The following ZNF385B variants were observed in gnomAD, a reference collection of about 807,000 sequenced individuals.
ZNF385B encodes the protein zinc finger protein 385B, also known as zinc finger protein 533.
A neutral mutation model predicts 39.2 loss-of-function variants in ZNF385B; 23 were observed. The observed-to-expected ratio is 0.59, with a 90% CI of 0.42 to 0.83. The LOEUF is 0.83. Among genes scored for constraint, ZNF385B ranks in the 40% least tolerant of loss-of-function variants. The pLI, the probability that ZNF385B is intolerant of heterozygous loss-of-function variation, is 0.00. For missense variants in ZNF385B, 552 were observed against 598.9 expected, an observed-to-expected ratio of 0.92 and a Z score of 0.82; for synonymous variants, 205 against 222.6, an observed-to-expected ratio of 0.92 and a Z score of 0.70.
At position 179,809,757 on chromosome 2, in the gene ZNF385B, T is replaced by C. The variant is rs183749325; in HGVS notation, c.-154-39085A>G. ...ACTCACAAAAATGCTATAATACTTATGATGATTCACAATGAATCATGACCC... is the reference window on the plus strand; with the variant it reads ...ACTCACAAAAATGCTATAATACTTACGATGATTCACAATGAATCATGACCC... On this transcript the variant is annotated intron_variant, in intron 1 of 9. Transcript: ENST00000410066. Among the ~76,000 whole-genome samples the C allele has an allele frequency of 1.8e-4, 27 of 152,194 alleles. No homozygotes were observed. In the East Asian group the frequency reaches 2.1e-3, roughly 12 times the overall value.
intron 6 of ZNF385B, among the ~76,000 whole-genome samples, chr2:179,482,076 C>T (rs556543885): frequency 7.2e-5 from 11 of 152,144 alleles, no homozygotes; most frequent in Non-Finnish European, 1.3e-4. Flanking sequence ...GTCTTTATTA[C>T]CAAATTTAGC....
chr2:179,768,015 T>C (rs942079392), intron 3 of ZNF385B, among the ~76,000 whole-genome samples: 1 of 151,048 alleles, frequency 6.6e-6, no homozygotes, highest in African/African-American at 2.4e-5. Context: ...AGTGGCGTGA[T>C]CTCAGCTCAA....
chr2:179,465,471 C>A (rs1474783004), intron 6 of ZNF385B, among the ~76,000 whole-genome samples: 1 of 152,176 alleles, frequency 6.6e-6, no homozygotes, highest in Non-Finnish European at 1.5e-5. Context: ...ATGCCTGATA[C>A]TGAATGTATA....
At chr2:179,850,493 G>A (rs958281877) in intron 1 of ZNF385B, among the ~76,000 whole-genome samples, 3 of 152,134 alleles carry the variant, frequency 2.0e-5, no homozygotes, top group African/African-American at 7.2e-5. Context: ...TGTGCCTGCT[G>A]GAACTTTGGA....
intron 3 of ZNF385B, among the ~76,000 whole-genome samples, chr2:179,766,406 C>A (rs895469522): frequency 1.3e-5 from 2 of 152,108 alleles, no homozygotes; most frequent in African/African-American, 4.8e-5. Context: ...GCTGTTGTAA[C>A]AAAGTACTAT....
chr2:179,779,994 G>A (rs1021603390), intron 1 of ZNF385B, among the ~76,000 whole-genome samples: 1 of 151,982 alleles, frequency 6.6e-6, no homozygotes. Context: ...TGATTTAATT[G>A]GTCTGCTGCT....
intron 3 of ZNF385B, among the ~76,000 whole-genome samples, chr2:179,590,533 G>A (rs1271551001): frequency 2.6e-5 from 4 of 151,982 alleles, no homozygotes; most frequent in Non-Finnish European, 4.4e-5. Flanking sequence ...AGAATTTTAC[G>A]TGTTTAATGC....
intron 3 of ZNF385B, among the ~76,000 whole-genome samples, chr2:179,608,400 T>G (rs1286455369): frequency 1.3e-5 from 2 of 152,188 alleles, no homozygotes; most frequent in African/African-American, 4.8e-5. Flanking sequence ...CCTTGCCAAC[T>G]GTGTGCAGAA....
intron 6 of ZNF385B, among the ~76,000 whole-genome samples, chr2:179,477,365 A>G (rs1241090214): frequency 1.3e-5 from 2 of 152,242 alleles, no homozygotes; most frequent in East Asian, 1.9e-4. Context: ...CTGGGTTTAC[A>G]CCTGAAGAAC....
At chr2:179,476,266 T>C (rs189908687) in intron 6 of ZNF385B, among the ~76,000 whole-genome samples, 68 of 152,300 alleles carry the variant, frequency 4.5e-4, no homozygotes, top group African/African-American at 1.5e-3. Flanking sequence ...AATTATTCAA[T>C]GTACATACAA....
At chr2:179,853,814 G>C (rs1415785596) in intron 1 of ZNF385B, among the ~76,000 whole-genome samples, 1 of 151,992 alleles carries the variant, frequency 6.6e-6, no homozygotes, top group African/African-American at 2.4e-5. Context: ...TCTCAGACTT[G>C]GTAAACGAAA....
chr2:179,596,451 G>C (rs1045981758), intron 3 of ZNF385B, among the ~76,000 whole-genome samples: 4 of 152,142 alleles, frequency 2.6e-5, no homozygotes, highest in Admixed American at 6.6e-5. Flanking sequence ...CAAAAACTTA[G>C]TGAATCTCTT....
chr2:179,769,630 C>A lies in ZNF385B; in HGVS notation c.171G>T (p.Gln57His). ...LFSFCEVCNI[Q>H]LNSAAQAQVH... ...CCTGAGCCTGGGCTGCAGAGTTCAG[C>A]TGGATGTTGCACACCTCACAGAAGG... The change falls in exon 3 of 10, where the codon CAG becomes CAT. Residue 57 changes from glutamine to histidine, a missense_variant. Transcript: ENST00000410066. 6.2e-7 allele frequency: 1 copy of A among 1,614,172 alleles called. No individual in the cohort carries two copies. The highest frequency in any genetic ancestry group is 8.5e-7 in the Non-Finnish European group (1 of 1,180,036).
rs139856431 is a variant in ZNF385B, at chr2:179,724,046, C to T, written c.298+45457G>A. Among the ~76,000 whole-genome samples, 245 of 152,248 alleles carry T rather than the reference C, an allele frequency of 1.6e-3. 1 individual carries two copies. The Middle Eastern group carries it at 0.017, about 11-fold the overall frequency. On this transcript the variant is annotated intron_variant, in intron 3 of 9. Transcript: ENST00000410066. ...GCATTGGGTGGGGCACAGTGGCTCACGCCTGTAATCACAGCACTTTGGGAG... is the reference window on the plus strand; with the variant it reads ...GCATTGGGTGGGGCACAGTGGCTCATGCCTGTAATCACAGCACTTTGGGAG...
chr2:179,466,418 C>A (rs1016064542), intron 6 of ZNF385B, among the ~76,000 whole-genome samples: 5 of 152,094 alleles, frequency 3.3e-5, no homozygotes, highest in African/African-American at 9.7e-5. Context: ...CAAAATATAG[C>A]CATTCCTCTT....
chr2:179,636,358 C>T (rs373889627), intron 3 of ZNF385B, among the ~76,000 whole-genome samples: 3 of 152,120 alleles, frequency 2.0e-5, no homozygotes, highest in East Asian at 3.9e-4. Context: ...CTTAATTATA[C>T]ACAGAAGTGA....
chr2:179,775,915 T>C lies in ZNF385B; in HGVS notation c.-154-5243A>G, dbSNP rs900091302. ...TCATAAAATATTTCTTTCCTGCAAG[T>C]GGATTTAAATTGTATCGTCCCTGAA... On this transcript the variant is annotated intron_variant, in intron 1 of 9. Coordinates refer to ENST00000410066, the MANE Select transcript of ZNF385B (RefSeq NM_152520.6). Among the ~76,000 whole-genome samples the C allele has an allele frequency of 2.0e-5, 3 of 152,208 alleles. No homozygotes were observed. The East Asian group carries it at 5.8e-4, about 29-fold the overall frequency.
intron 3 of ZNF385B, among the ~76,000 whole-genome samples, chr2:179,693,611 C>T (rs763766363): frequency 3.3e-5 from 5 of 152,140 alleles, no homozygotes; most frequent in African/African-American, 7.2e-5. Context: ...TCATTGGCTA[C>T]GTTTTTTTGA....
chr2:179,529,529 T>TATTA (rs1202785749), intron 4 of ZNF385B, among the ~76,000 whole-genome samples: 1 of 152,154 alleles, frequency 6.6e-6, no homozygotes, highest in African/African-American at 2.4e-5. Flanking sequence ...GTTCATATGA[T>TATTA]ATTAGTAGAT....
Sources: gnomAD v4.1 joint callset for allele counts (sites outside exome capture counted in the v4.1 genomes callset) on GRCh38, gnomAD v4.1.1 for gene constraint, MANE v1.5 for transcripts, NCBI Gene and HGNC (gene_info 2026-07-23, HGNC 2026-07-21) for gene names.